PKD1L3: variants seen among roughly 807,000 people sequenced by gnomAD.
The protein encoded by PKD1L3 is polycystin 1 like 3, transient receptor potential channel interacting.
Under a neutral mutation model 184.1 loss-of-function variants are expected in PKD1L3, and 239 were observed. The ratio of observed to expected loss-of-function variants is 1.30; its 90% CI spans 1.17 to 1.45. PKD1L3 has a LOEUF of 1.45. Among genes scored for constraint, PKD1L3 ranks in the 40% most tolerant of loss-of-function variants. The probability of loss-of-function intolerance (pLI) is 0.00; values close to 1 mark genes in which losing one functional copy is unlikely to be tolerated. For missense variants in PKD1L3, 2,660 were observed against 2,067.2 expected (o/e 1.29, Z -5.56); for synonymous variants, 996 against 778.8 (o/e 1.28, Z -4.64).
intron 24 of PKD1L3, 62 bp from the exon 25 acceptor site, chr16:71,937,481 ACTTTGT>A (rs1448305922): frequency 5.9e-6 from 9 of 1,518,938 alleles, no homozygotes; most frequent in Non-Finnish European, 7.9e-6. Flanking sequence ...TTCTTGTTAA[ACTTTGT>A]CTTTGAATAA....
chr16:71,978,056 G>T (rs866701944), intron 10 of PKD1L3, among the ~76,000 whole-genome samples, 199 bp downstream of exon 10: 1 of 152,188 alleles, frequency 6.6e-6, no homozygotes, highest in Admixed American at 6.5e-5. Context: ...TTACAGGCAT[G>T]AGCCACTGCG....
chr16:71,964,619 A>G (rs966800278), intron 15 of PKD1L3, among the ~76,000 whole-genome samples: 10 of 151,590 alleles, frequency 6.6e-5, no homozygotes, highest in Admixed American at 2.0e-4. Context: ...GATCACAGGC[A>G]TGAGACACCA....
chr16:71,987,230 G>A (rs944895860), intron 4 of PKD1L3, among the ~76,000 whole-genome samples: 1 of 148,854 alleles, frequency 6.7e-6, no homozygotes, highest in East Asian at 2.1e-4. Context: ...GCTGAGGAGA[G>A]GATTTCTTGA....
chr16:71,957,781 C>G (rs1211571489), intron 16 of PKD1L3, among the ~76,000 whole-genome samples: 1 of 152,082 alleles, frequency 6.6e-6, no homozygotes, highest in East Asian at 1.9e-4. Context: ...GAAGGTATTC[C>G]ATGTAAACAG....
intron 5 of PKD1L3, among the ~76,000 whole-genome samples, chr16:71,984,579 G>A (rs2040285197): frequency 6.6e-6 from 1 of 152,174 alleles, no homozygotes; most frequent in South Asian, 2.1e-4. Context: ...CGTATTTAAG[G>A]CTGGGCGTGA....
At position 71,942,974 on chromosome 16, in the gene PKD1L3, T is replaced by A; in HGVS notation, c.3910A>T (p.Asn1304Tyr). 6 of 1,551,588 alleles carry A rather than the reference T, an allele frequency of 3.9e-6. No individual in the cohort carries two copies. The highest frequency in any genetic ancestry group is 5.2e-6 in the Non-Finnish European group (6 of 1,146,952). ...TGGTGGAGGTAAAATCTATTGGAGT[T>A]CTTTGCAGAGTAGATTGCAGTCATC... The part of the protein sequence containing the change: ...LLMTAIYSAK[N>Y]SNRFYLHQAI... Residue 1304 changes from asparagine (N) to tyrosine (Y), a missense_variant, in exon 24 of 30, where the codon AAC becomes TAC. Coordinates refer to ENST00000620267, the MANE Select transcript of PKD1L3 (RefSeq NM_181536.2).
chr16:71,989,499 T>A (rs1232546097), intron 4 of PKD1L3, among the ~76,000 whole-genome samples: 1 of 152,212 alleles, frequency 6.6e-6, no homozygotes, highest in Non-Finnish European at 1.5e-5. Context: ...CAGCGAGCAT[T>A]GAGTCAAACA....
intron 12 of PKD1L3, among the ~76,000 whole-genome samples, chr16:71,971,088 C>T (rs980545314): frequency 6.6e-6 from 1 of 152,070 alleles, no homozygotes; most frequent in Non-Finnish European, 1.5e-5. Context: ...AATAAATATT[C>T]GGTGAAAGAA....
At chr16:71,965,059 G>A (rs985044482) in intron 15 of PKD1L3, among the ~76,000 whole-genome samples, 2 of 151,934 alleles carry the variant, frequency 1.3e-5, no homozygotes, top group South Asian at 2.1e-4. Flanking sequence ...TGTTGCCCAG[G>A]CTGGTCTCAA....
chr16:71,976,175 T>C (rs917649802), intron 11 of PKD1L3, among the ~76,000 whole-genome samples: 2 of 151,606 alleles, frequency 1.3e-5, no homozygotes, highest in African/African-American at 4.8e-5. Flanking sequence ...CTTAAACTCC[T>C]GACCTAAGTT....
At chr16:71,993,177 C>G in intron 3 of PKD1L3, 39 bp downstream of exon 3, 1 of 1,376,946 alleles carries the variant, frequency 7.3e-7, no homozygotes, top group Non-Finnish European at 9.9e-7. Context: ...GAAATTGATT[C>G]CACGGATTTT....
At position 71,998,043 on chromosome 16, in the gene PKD1L3, C is replaced by T. The variant is rs565037954; in HGVS notation, c.418+229G>A. 2.3e-4 allele frequency among the ~76,000 whole-genome samples: 35 copies of T among 152,266 alleles called. No homozygotes were observed. The South Asian group carries it at 4.1e-3, about 18-fold the overall frequency. ...CCCACACTCTGCCCAAGTCAAAACA[C>T]GAGGAGGACATCAAGGCACAACTCT... On this transcript the variant is annotated intron_variant, in intron 2 of 29. Transcript: ENST00000620267.
Position 71,984,127 on chromosome 16 carries a change from T to C in PKD1L3, c.875A>G (p.His292Arg). The C allele has an allele frequency of 6.4e-7, 1 of 1,551,944 alleles. No homozygotes were observed. Among genetic ancestry groups the C allele is most frequent in the Non-Finnish European group, 8.7e-7 (1 of 1,146,994 alleles). Residue 292 changes from histidine to arginine, a missense_variant, in exon 6 of 30, where the codon CAT becomes CGT. Physicochemically the swap from His to Arg is conservative, Grantham distance 29. Coordinates refer to ENST00000620267, the MANE Select transcript of PKD1L3 (RefSeq NM_181536.2). Reference sequence around the variant, plus strand: ...TAGTTTGTTAAGAGCTTGCAAACCATGAACTGCTCTGCTGAAGTTCCCTGC... The same window carrying C: ...TAGTTTGTTAAGAGCTTGCAAACCACGAACTGCTCTGCTGAAGTTCCCTGC... ...EIAGNFSRAV[H>R]GLQALNKLQE...
At chr16:71,933,358 C>T in intron 28 of PKD1L3, 62 bp downstream of exon 28, 6 of 1,247,836 alleles carry the variant, frequency 4.8e-6, no homozygotes, top group Non-Finnish European at 3.4e-6. Flanking sequence ...TTCATAAGGA[C>T]CCCCCCAATT....
chr16:71,998,205 T>C (rs1287693929), intron 2 of PKD1L3, 67 bp downstream of exon 2: 3 of 1,535,472 alleles, frequency 2.0e-6, no homozygotes, highest in East Asian at 4.9e-5. Context: ...TATTCTCACA[T>C]GCACTCCTTA....
At position 71,935,491 on chromosome 16, in the gene PKD1L3, T is replaced by TCC. The variant is rs1567488121; in HGVS notation, c.4478_4479dup (p.Arg1494GlyfsTer15). The TCC allele has an allele frequency of 6.4e-7, 1 of 1,552,210 alleles. No homozygotes were observed. The highest frequency in any genetic ancestry group is 8.7e-7 in the Non-Finnish European group (1 of 1,147,090). On this transcript the variant is annotated frameshift_variant, in exon 26 of 30. Coordinates refer to ENST00000620267, the MANE Select transcript of PKD1L3 (RefSeq NM_181536.2). LOFTEE classifies it high-confidence loss of function. ...ATGTTTCTTTTCCCAGTGAAGAACC[T>TCC]CCACTTCTGCTGTTTCAGCTGACAA...
In PKD1L3 at chr16:71,977,423, G is replaced by T; in HGVS notation, c.1572C>A (p.Ser524Arg). 6.4e-7 allele frequency: 1 copy of T among 1,551,588 alleles called. No individual in the cohort carries two copies. Among genetic ancestry groups the T allele is most frequent in the Non-Finnish European group, 8.7e-7 (1 of 1,146,906 alleles). Residue 524 changes from serine (S) to arginine (R), a missense_variant, in exon 11 of 30, where the codon AGC becomes AGA. Physicochemically the swap from Ser to Arg is moderately radical, Grantham distance 110. Coordinates refer to ENST00000620267, the MANE Select transcript of PKD1L3 (RefSeq NM_181536.2). ...TAAGCTGATGTGTGCTCATGTTGAGGCTGGTGGGATGGGTTTCCAAGCTAA... is the reference window on the plus strand; with the variant it reads ...TAAGCTGATGTGTGCTCATGTTGAGTCTGGTGGGATGGGTTTCCAAGCTAA... ...RNVSLETHPT[S>R]LNMSTHQLTI...
At chr16:71,985,874 C>T (rs1024935861) in intron 5 of PKD1L3, among the ~76,000 whole-genome samples, 1 of 152,112 alleles carries the variant, frequency 6.6e-6, no homozygotes, top group Non-Finnish European at 1.5e-5. Context: ...CTGCCTTGTC[C>T]ATGTTTTTGG....
At chr16:71,936,588 C>T (rs958352001) in intron 25 of PKD1L3, among the ~76,000 whole-genome samples, 53 of 144,422 alleles carry the variant, frequency 3.7e-4, no homozygotes, top group Non-Finnish European at 6.3e-4. Flanking sequence ...GGCGCGATCT[C>T]GGCTCACTGC....
Sources: gnomAD v4.1 joint callset for allele counts (sites outside exome capture counted in the v4.1 genomes callset) on GRCh38, gnomAD v4.1.1 for gene constraint, MANE v1.5 for transcripts, NCBI Gene and HGNC (gene_info 2026-07-23, HGNC 2026-07-21) for gene names.